The following TTYH2 variants were observed in gnomAD, a reference collection of about 807,000 sequenced individuals.
The protein encoded by TTYH2 is tweety family member 2.
A neutral mutation model predicts 68.3 loss-of-function variants in TTYH2; 49 were observed. That is an observed-to-expected ratio of 0.72 (90% CI 0.57 to 0.91). The LOEUF (loss-of-function observed/expected upper bound fraction) is 0.91, where lower values mean the gene tolerates loss of function less well. Among genes scored for constraint, TTYH2 ranks in the 40% least tolerant of loss-of-function variants. The probability of loss-of-function intolerance (pLI) is 0.00; values close to 1 mark genes in which losing one functional copy is unlikely to be tolerated. For missense variants in TTYH2, 631 were observed against 700.4 expected, an observed-to-expected ratio of 0.90 and a Z score of 1.12; for synonymous variants, 272 against 300.8, an observed-to-expected ratio of 0.90 and a Z score of 0.99.
intron 3 of TTYH2, among the ~76,000 whole-genome samples, chr17:74,234,032 C>T (rs1290254816): frequency 6.6e-6 from 1 of 152,180 alleles, no homozygotes; most frequent in African/African-American, 2.4e-5. Context: ...TCCACACTTC[C>T]AGATAAGCTC....
intron 1 of TTYH2, among the ~76,000 whole-genome samples, chr17:74,216,655 C>T (rs1251410239): frequency 6.6e-6 from 1 of 152,234 alleles, no homozygotes; most frequent in Non-Finnish European, 1.5e-5. Context: ...CCTGTGTCAC[C>T]AGCCTTGTGG....
Position 74,253,200 on chromosome 17 carries a change from T to G in TTYH2, c.1379T>G (p.Leu460Arg). ...LHSFCSYSSG[L>R]GSQTSLQPPA... ...AGCTTCTGCAGCTACAGCAGTGGCC[T>G]GGGAAGTCAGACCAGCCTGCAGCCC... The change falls in exon 12 of 14, where the codon CTG becomes CGG. Residue 460 changes from leucine to arginine, a missense_variant. Physicochemically the swap from Leu to Arg is moderately radical, Grantham distance 102. Coordinates refer to ENST00000269346, the MANE Select transcript of TTYH2 (RefSeq NM_032646.6). The G allele has an allele frequency of 6.2e-7, 1 of 1,613,794 alleles. No homozygotes were observed. The highest frequency in any genetic ancestry group is 8.5e-7 in the Non-Finnish European group (1 of 1,179,912).
At chr17:74,231,224 A>AG (rs1347069119) in intron 3 of TTYH2, among the ~76,000 whole-genome samples, 1 of 152,226 alleles carries the variant, frequency 6.6e-6, no homozygotes, top group Non-Finnish European at 1.5e-5. Context: ...TGAGGACTAA[A>AG]GGAGGCAGCT....
chr17:74,256,164 T>C (rs2050691880), intron 13 of TTYH2, among the ~76,000 whole-genome samples: 2 of 152,352 alleles, frequency 1.3e-5, no homozygotes, highest in South Asian at 4.1e-4. Flanking sequence ...GGAGCCATCT[T>C]TGCTGCTGCT....
chr17:74,237,627 T>G lies in TTYH2; in HGVS notation c.635+113T>G, dbSNP rs113394297. On this transcript the variant is annotated intron_variant, in intron 4 of 13. Transcript: ENST00000269346. Reference sequence around the variant, plus strand: ...AGAAGGGCCACTGGAAAGTATTTTTTTTTTGTTTTGTTTTTTTAAGACAGA... The same window carrying G: ...AGAAGGGCCACTGGAAAGTATTTTTGTTTTGTTTTGTTTTTTTAAGACAGA... The G allele has an allele frequency of 5.8e-3, 5,737 of 991,662 alleles. 30 individuals are homozygous for G. Among genetic ancestry groups the G allele is most frequent in the African/African-American group, 0.019 (1,166 of 60,740 alleles). The allele number at this position is 991,662 out of a possible 1,614,324, so 61.4% of individuals were successfully genotyped here.
rs746516291 is a variant in TTYH2 at position 74,249,366 on chromosome 17, T to C, written c.897T>C (p.Tyr299=). The change falls in exon 8 of 14, where the codon TAT becomes TAC. Residue 299 remains tyrosine, a synonymous_variant. Coordinates refer to ENST00000269346, the MANE Select transcript of TTYH2 (RefSeq NM_032646.6). ...CAGAGGTGACTCGCTACTACCTGTA[T>C]TGCAGCCAGAGTGGAAGCAGCCCCT... is the stretch of plus-strand genomic sequence containing the variant. ...ISTEVTRYYL[Y]CSQSGSSPFQ... 16 of 1,613,996 alleles carry C rather than the reference T, an allele frequency of 9.9e-6. No individual in the cohort carries two copies. In the South Asian group the frequency reaches 1.8e-4, roughly 18 times the overall value.
Position 74,217,771 on chromosome 17 carries a change from G to A in TTYH2, c.129+4055G>A, listed in dbSNP as rs1007353404. ...CCAGTGCAGAAGCCCCTTGGGTCCCGCTGCCATGGTCACTGCGGCCCCCAA... is the reference window on the plus strand; with the variant it reads ...CCAGTGCAGAAGCCCCTTGGGTCCCACTGCCATGGTCACTGCGGCCCCCAA... On this transcript the variant is annotated intron_variant, in intron 1 of 13. Transcript: ENST00000269346. The surrounding 1 kb of genome is among the most constrained non-coding windows in gnomAD (Gnocchi z 4.0). Among the ~76,000 whole-genome samples, 3 of 152,300 alleles carry A rather than the reference G, an allele frequency of 2.0e-5. No individual in the cohort carries two copies. The highest frequency in any genetic ancestry group is 1.9e-4 in the East Asian group (1 of 5,178).
chr17:74,214,662 T>C lies in TTYH2; in HGVS notation c.129+946T>C, dbSNP rs1159222541. Among the ~76,000 whole-genome samples the C allele has an allele frequency of 6.6e-6, 1 of 152,202 alleles. No homozygotes were observed. The highest frequency in any genetic ancestry group is 1.5e-5 in the Non-Finnish European group (1 of 68,040). ...AGCCCGTCTCAGGTCTGGTCACGCCTGCTCTGGCCCCGGGAGCCCACCTGT... is the reference window on the plus strand; with the variant it reads ...AGCCCGTCTCAGGTCTGGTCACGCCCGCTCTGGCCCCGGGAGCCCACCTGT... On this transcript the variant is annotated intron_variant, in intron 1 of 13. Coordinates refer to ENST00000269346, the MANE Select transcript of TTYH2 (RefSeq NM_032646.6). The surrounding 1 kb of genome is among the most constrained non-coding windows in gnomAD (Gnocchi z 4.6).
chr17:74,235,477 G>A (rs561797073), intron 3 of TTYH2, among the ~76,000 whole-genome samples: 1 of 152,368 alleles, frequency 6.6e-6, no homozygotes, highest in South Asian at 2.1e-4. Context: ...CTGCCAAGCT[G>A]CACCCCGGGG....
chr17:74,244,046 A>G lies in TTYH2; in HGVS notation c.801A>G (p.Ala267=), dbSNP rs781491916. The G allele has an allele frequency of 4.9e-5, 79 of 1,608,556 alleles. No individual in the cohort carries two copies. The highest frequency in any genetic ancestry group is 6.2e-5 in the Non-Finnish European group (73 of 1,178,210). ...CCCTGGCCGCTGATGGCTCTGCGGC[A>G]GTGGTGAGTTGGGGGAGGGAGTGGG... ...WASLAADGSA[A]VATSDFCVAP... Residue 267 remains alanine, a synonymous_variant, in exon 6 of 14, where the codon GCA becomes GCG. Coordinates refer to ENST00000269346, the MANE Select transcript of TTYH2 (RefSeq NM_032646.6).
chr17:74,244,274 A>G (rs1013842137), intron 6 of TTYH2, among the ~76,000 whole-genome samples: 1 of 152,152 alleles, frequency 6.6e-6, no homozygotes, highest in South Asian at 2.1e-4. Context: ...AGGATAAGAC[A>G]CTCATGCTTC....
chr17:74,215,254 A>G lies in TTYH2; in HGVS notation c.129+1538A>G, dbSNP rs2050211497. On this transcript the variant is annotated intron_variant, in intron 1 of 13. Coordinates refer to ENST00000269346, the MANE Select transcript of TTYH2 (RefSeq NM_032646.6). This position sits in a 1 kb window ranked among gnomAD's most constrained non-coding sequence, Gnocchi z 4.3. The stretch of plus-strand genomic sequence containing the variant: ...CATCCCACACCCGGGGTCTCCAGCC[A>G]TAGTTTTCTCCTCTCCACTGGAGGA... Among the ~76,000 whole-genome samples, 1 of 151,390 alleles carries G rather than the reference A, an allele frequency of 6.6e-6. No individual in the cohort carries two copies. Among genetic ancestry groups the G allele is most frequent in the Admixed American group, 6.6e-5 (1 of 15,250 alleles).
At position 74,230,995 on chromosome 17, in the gene TTYH2, C is replaced by T. The variant is rs542498249; in HGVS notation, c.410C>T (p.Ala137Val). Residue 137 changes from alanine (A) to valine (V), a missense_variant, in exon 3 of 14, where the codon GCT (alanine) becomes GTT (valine). Transcript: ENST00000269346. Reference sequence around the variant, plus strand: ...AACCACACCTTCTCTGGGATCGATGCTCTGGTAAGGCTCCCGGGCAGCTGG... The same window carrying T: ...AACCACACCTTCTCTGGGATCGATGTTCTGGTAAGGCTCCCGGGCAGCTGG... ...DANHTFSGID[A>V]LVSGTTQKMK... The T allele has an allele frequency of 2.0e-5, 33 of 1,613,778 alleles. 1 individual carries two copies. In the South Asian group the frequency reaches 3.4e-4, roughly 17 times the overall value.
intron 10 of TTYH2, among the ~76,000 whole-genome samples, chr17:74,251,458 TTAGATCC>T (rs2050628930): frequency 6.6e-6 from 1 of 152,012 alleles, no homozygotes; most frequent in African/African-American, 2.4e-5. Flanking sequence ...GGGCTTGGGT[TTAGATCC>T]TGGTAGTCTG....
At chr17:74,252,024 C>A in intron 10 of TTYH2, 1 of 607,932 alleles carries the variant, frequency 1.6e-6, no homozygotes, top group Non-Finnish European at 2.9e-6. Context: ...AGTAAGTGCT[C>A]AGCAAATGTT....
chr17:74,229,784 G>A (rs1216570436), intron 2 of TTYH2, among the ~76,000 whole-genome samples: 2 of 152,156 alleles, frequency 1.3e-5, no homozygotes, highest in East Asian at 1.9e-4. Context: ...ACACTGTATC[G>A]TTTCAACTCT....
chr17:74,259,119 A>T (rs2050721743), intron 13 of TTYH2, among the ~76,000 whole-genome samples: 1 of 152,174 alleles, frequency 6.6e-6, no homozygotes, highest in South Asian at 2.1e-4. Flanking sequence ...GTACTGGGTC[A>T]TGCTCCTCCA....
At chr17:74,220,158 A>G (rs78748873) in intron 1 of TTYH2, among the ~76,000 whole-genome samples, 9,793 of 152,148 alleles carry the variant, frequency 0.064, 745 homozygotes, top group African/African-American at 0.18. Flanking sequence ...TTTGCAAATG[A>G]TTAAGAGGAT....
intron 1 of TTYH2, among the ~76,000 whole-genome samples, chr17:74,216,605 C>A (rs892000687): frequency 6.6e-6 from 1 of 152,246 alleles, no homozygotes; most frequent in East Asian, 1.9e-4. Context: ...CCCTCTCCCC[C>A]CAGTGAACTT....
Sources: allele counts gnomAD v4.1 joint callset (sites outside exome capture counted in the v4.1 genomes callset), GRCh38; gene constraint gnomAD v4.1.1; non-coding constraint Gnocchi (gnomAD v3.1); transcripts MANE v1.5; gene names NCBI Gene and HGNC (gene_info 2026-07-23, HGNC 2026-07-21).